REDIC1: variants seen among roughly 807,000 people sequenced by gnomAD.
The protein encoded by REDIC1 is regulator of DNA class I crossover intermediates 1, also known as HEI10 Interacting Protein 1.
At chr12:39,731,251 T>G in the REDIC1 span, among the ~76,000 whole-genome samples, 6 of 152,240 alleles carry the variant, frequency 3.9e-5, no homozygotes, top group East Asian at 1.2e-3. Flanking sequence ...TTTTGGAATT[T>G]TCAGCCTTTT....
At chr12:39,640,369 CTG>C in the REDIC1 span, among the ~76,000 whole-genome samples, 2 of 151,894 alleles carry the variant, frequency 1.3e-5, no homozygotes, top group Non-Finnish European at 2.9e-5. Context: ...GCCTCTAGAA[CTG>C]TGAGGAATAA....
the REDIC1 span, among the ~76,000 whole-genome samples, chr12:39,793,357 C>T: frequency 6.6e-6 from 1 of 152,086 alleles, no homozygotes; most frequent in Middle Eastern, 3.4e-3. Flanking sequence ...CAGAGATGTA[C>T]CTTGTTTATG....
At chr12:39,682,709 A>G in the REDIC1 span, 4 of 1,613,230 alleles carry the variant, frequency 2.5e-6, no homozygotes, top group African/African-American at 1.3e-5. Flanking sequence ...TACATTACTG[A>G]AAAACACTCA....
At chr12:39,724,870 A>C in the REDIC1 span, among the ~76,000 whole-genome samples, 11 of 152,242 alleles carry the variant, frequency 7.2e-5, no homozygotes, top group Middle Eastern at 6.8e-3. Context: ...AACAATAAGA[A>C]GGACAGTGTG....
the REDIC1 span, among the ~76,000 whole-genome samples, chr12:39,783,181 C>T: frequency 6.6e-6 from 1 of 152,154 alleles, no homozygotes; most frequent in South Asian, 2.1e-4. Context: ...TCATCCATGT[C>T]CCTACGAAGG....
the REDIC1 span, among the ~76,000 whole-genome samples, chr12:39,744,294 G>T: frequency 6.6e-6 from 1 of 152,194 alleles, no homozygotes; most frequent in Non-Finnish European, 1.5e-5. Flanking sequence ...GGAGTTTGTT[G>T]TCAGTACACC....
chr12:39,679,912 A>G, the REDIC1 span, among the ~76,000 whole-genome samples: 1 of 152,194 alleles, frequency 6.6e-6, no homozygotes, highest in African/African-American at 2.4e-5. Flanking sequence ...TATTCAACAA[A>G]TGGTGCTGGG....
At chr12:39,659,152 A>G in the REDIC1 span, among the ~76,000 whole-genome samples, 1 of 151,986 alleles carries the variant, frequency 6.6e-6, no homozygotes, top group African/African-American at 2.4e-5. Context: ...GACTTGGTGT[A>G]GTTTCCAACT....
the REDIC1 span, among the ~76,000 whole-genome samples, chr12:39,684,675 T>C: frequency 6.6e-6 from 1 of 152,188 alleles, no homozygotes; most frequent in Non-Finnish European, 1.5e-5. Context: ...GTAGTGATTT[T>C]AAACTATAGA....
At chr12:39,866,563 C>A in the REDIC1 span, among the ~76,000 whole-genome samples, 1 of 152,042 alleles carries the variant, frequency 6.6e-6, no homozygotes, top group African/African-American at 2.4e-5. Flanking sequence ...ACTGCAGGCT[C>A]CGCCCCCCGG....
At chr12:39,712,583 G>C in the REDIC1 span, among the ~76,000 whole-genome samples, 4 of 142,430 alleles carry the variant, frequency 2.8e-5, no homozygotes, top group African/African-American at 7.6e-5. Context: ...ACGTATATAT[G>C]TATATACGTA....
the REDIC1 span, among the ~76,000 whole-genome samples, chr12:39,754,033 C>A: frequency 3.9e-5 from 6 of 152,112 alleles, no homozygotes; most frequent in Admixed American, 2.0e-4. Flanking sequence ...TCCATATGCA[C>A]TCTTTTACAA....
chr12:39,688,130 T>A, the REDIC1 span, among the ~76,000 whole-genome samples: 4 of 152,240 alleles, frequency 2.6e-5, no homozygotes, highest in Non-Finnish European at 4.4e-5. Flanking sequence ...AAGATTATAT[T>A]CTGTTATGCA....
At chr12:39,803,286 A>C in the REDIC1 span, among the ~76,000 whole-genome samples, 1 of 152,160 alleles carries the variant, frequency 6.6e-6, no homozygotes, top group Non-Finnish European at 1.5e-5. Context: ...AACCGTGATG[A>C]AAATAGACTT....
At chr12:39,678,258 A>T in the REDIC1 span, among the ~76,000 whole-genome samples, 1 of 152,182 alleles carries the variant, frequency 6.6e-6, no homozygotes, top group Non-Finnish European at 1.5e-5. Flanking sequence ...GGGAGATATT[A>T]TAACTGATAC....
chr12:39,712,681 G>C, the REDIC1 span, among the ~76,000 whole-genome samples: 1 of 133,234 alleles, frequency 7.5e-6, no homozygotes, highest in South Asian at 2.3e-4. Context: ...GTGTATATAT[G>C]TATATATACG....
At chr12:39,760,234 G>T in the REDIC1 span, 5 of 1,612,090 alleles carry the variant, frequency 3.1e-6, no homozygotes, top group Non-Finnish European at 4.2e-6. Flanking sequence ...AGCAAATCCA[G>T]CATAGAGGAA....
At chr12:39,730,065 A>T in the REDIC1 span, among the ~76,000 whole-genome samples, 1 of 152,100 alleles carries the variant, frequency 6.6e-6, no homozygotes, top group Non-Finnish European at 1.5e-5. Flanking sequence ...TGCAGGTGGG[A>T]TCAGTCTCCT....
chr12:39,638,866 A>G, the REDIC1 span, among the ~76,000 whole-genome samples: 1 of 152,000 alleles, frequency 6.6e-6, no homozygotes, highest in Non-Finnish European at 1.5e-5. Flanking sequence ...GAATTTGGTG[A>G]TAGCCATGAA....
Sources: allele counts gnomAD v4.1 joint callset (sites outside exome capture counted in the v4.1 genomes callset), GRCh38; gene constraint gnomAD v4.1.1; transcripts MANE v1.5; gene names NCBI Gene and HGNC (gene_info 2026-07-23, HGNC 2026-07-21).